Variants in STEAP4 observed in about 807,000 individuals in gnomAD.
STEAP4 encodes STEAP4 metalloreductase, also known as metalloreductase STEAP4.
Under a neutral mutation model 43.6 loss-of-function variants are expected in STEAP4, and 36 were observed. The ratio of observed to expected loss-of-function variants is 0.83; its 90% CI spans 0.63 to 1.09. The LOEUF (loss-of-function observed/expected upper bound fraction) is 1.09, where lower values mean the gene tolerates loss of function less well. Among genes scored for constraint, STEAP4 ranks in the 50% least tolerant of loss-of-function variants. The pLI is 0.00. For synonymous variants in STEAP4, 191 were observed against 196.7 expected (o/e 0.97, Z 0.24); for missense variants, 495 against 546.5 (o/e 0.91, Z 0.94).
In STEAP4 at chr7:88,282,951, TA is replaced by T; in HGVS notation, c.673del (p.Tyr225ThrfsTer25). On this transcript the variant is annotated frameshift_variant, in exon 3 of 5. Transcript: ENST00000380079. LOFTEE classifies it high-confidence loss of function. ...FFYCVIRDVI[Y>X]PYVYEKKDNT... ...ATCTTTCTTTTCATAAACATAAGGG[TA>T]GATTACGTCTCTTATAACACAATAG... The T allele has an allele frequency of 1.2e-6, 2 of 1,613,924 alleles. No individual in the cohort carries two copies.
chr7:88,278,635 C>T lies in STEAP4; in HGVS notation c.*763G>A, dbSNP rs967292388. On this transcript the variant is annotated 3_prime_UTR_variant, in exon 5 of 5. Coordinates refer to ENST00000380079, the MANE Select transcript of STEAP4 (RefSeq NM_024636.4). ...AAGAACTTTTATCAACCCTTCTTTGCTTATTGCACAATGCAAGTGAAATCC... is the reference window on the plus strand; with the variant it reads ...AAGAACTTTTATCAACCCTTCTTTGTTTATTGCACAATGCAAGTGAAATCC... 3 of 152,146 alleles carry T rather than the reference C, an allele frequency of 2.0e-5. No homozygotes were observed. The highest frequency in any genetic ancestry group is 7.2e-5 in the African/African-American group (3 of 41,442). The allele number at this position is 152,146 out of a possible 1,614,324, so 9.4% of individuals were successfully genotyped here. A position where few individuals can be genotyped will look rare whatever the true frequency, so the allele number is the denominator to read the frequency against.
At position 88,278,416 on chromosome 7, in the gene STEAP4, T is replaced by C. The variant is rs1437889854; in HGVS notation, c.*982A>G. 6.6e-6 allele frequency: 1 copy of C among 152,198 alleles called. No individual in the cohort carries two copies. The highest frequency in any genetic ancestry group is 1.5e-5 in the Non-Finnish European group (1 of 68,028). 9.4% of individuals were successfully genotyped at this position (152,198 alleles called of 1,614,324 possible). On this transcript the variant is annotated 3_prime_UTR_variant, in exon 5 of 5. Coordinates refer to ENST00000380079, the MANE Select transcript of STEAP4 (RefSeq NM_024636.4). ...TTTACTCCTTACAATTATAATAGAC[T>C]AAGACAGATATAGAAGCTACTTATT...
intron 1 of STEAP4, among the ~76,000 whole-genome samples, chr7:88,298,899 A>T (rs1386758627): frequency 2.0e-5 from 3 of 152,224 alleles, no homozygotes; most frequent in Non-Finnish European, 4.4e-5. Context: ...TATGCTAGAC[A>T]ATAGAATGGC....
At chr7:88,293,166 A>C in intron 1 of STEAP4, among the ~76,000 whole-genome samples, 1 of 151,992 alleles carries the variant, frequency 6.6e-6, no homozygotes, top group Admixed American at 6.6e-5. Flanking sequence ...AGCCATTCTG[A>C]TATTTCATTG....
intron 1 of STEAP4, among the ~76,000 whole-genome samples, chr7:88,287,309 C>T (rs1284591661): frequency 6.6e-6 from 1 of 152,164 alleles, no homozygotes; most frequent in African/African-American, 2.4e-5. Context: ...TTGGGTTGGC[C>T]TCCAGATCCA....
Position 88,275,475 on chromosome 7 carries a change from T to C in STEAP4, c.*3923A>G, listed in dbSNP as rs892513155. ...TTCTGATACATTGAAGAGTAACTTA[T>C]ACTCTTTTCCCAAATTCTACTGAAC... is the stretch of plus-strand genomic sequence containing the variant. On this transcript the variant is annotated 3_prime_UTR_variant, in exon 5 of 5. Coordinates refer to ENST00000380079, the MANE Select transcript of STEAP4 (RefSeq NM_024636.4). The C allele has an allele frequency of 6.6e-6, 1 of 152,182 alleles. No individual in the cohort carries two copies. The highest frequency in any genetic ancestry group is 2.4e-5 in the African/African-American group (1 of 41,450). The allele number at this position is 152,182 out of a possible 1,614,324, so 9.4% of individuals were successfully genotyped here. A position where few individuals can be genotyped will look rare whatever the true frequency, so the allele number is the denominator to read the frequency against.
At position 88,282,779 on chromosome 7, in the gene STEAP4, C is replaced by A. The variant is rs1346430865; in HGVS notation, c.846G>T (p.Trp282Cys). Residue 282 changes from tryptophan to cysteine, a missense_variant, in exon 3 of 5, where the codon TGG (tryptophan) becomes TGT (cysteine). By Grantham distance (215) the Trp-to-Cys change is radical. Transcript: ENST00000380079. ...RGTKYRRFPD[W>C]LDHWMLCRKQ... ...TTCGGCAAAGCATCCAGTGGTCAAG[C>A]CAGTCTGGGAATCGACGGTATTTTG... 5 of 1,614,096 alleles carry A rather than the reference C, an allele frequency of 3.1e-6. No homozygotes were observed. Among genetic ancestry groups the A allele is most frequent in the Non-Finnish European group, 4.2e-6 (5 of 1,180,008 alleles).
rs1852468313 is a variant in STEAP4, at chr7:88,273,393, A to C, written c.*6005T>G. 1 of 152,150 alleles carries C rather than the reference A, an allele frequency of 6.6e-6. No individual in the cohort carries two copies. Among genetic ancestry groups the C allele is most frequent in the South Asian group, 2.1e-4 (1 of 4,830 alleles). 9.4% of individuals were successfully genotyped at this position (152,150 alleles called of 1,614,324 possible). A position where few individuals can be genotyped will look rare whatever the true frequency, so the allele number is the denominator to read the frequency against. Reference sequence around the variant, plus strand: ...TGGGTTTCTATTTTATCACAATCTGATACTTTTTGATATACAATACTGTGA... The same window carrying C: ...TGGGTTTCTATTTTATCACAATCTGCTACTTTTTGATATACAATACTGTGA... On this transcript the variant is annotated 3_prime_UTR_variant, in exon 5 of 5. Coordinates refer to ENST00000380079, the MANE Select transcript of STEAP4 (RefSeq NM_024636.4).
Position 88,301,712 on chromosome 7 carries a change from A to G in STEAP4, c.-3+5080T>C, listed in dbSNP as rs533101292. On this transcript the variant is annotated intron_variant, in intron 1 of 4. Coordinates refer to ENST00000380079, the MANE Select transcript of STEAP4 (RefSeq NM_024636.4). ...CACCTCAGCCTCCCAGGTAGCAGGG[A>G]CTACAGGTGTGCACCACCACGCCCA... Among the ~76,000 whole-genome samples, 3 of 152,162 alleles carry G rather than the reference A, an allele frequency of 2.0e-5. No individual in the cohort carries two copies. The South Asian group carries it at 6.2e-4, about 32-fold the overall frequency.
At chr7:88,305,968 A>C (rs1339383601) in intron 1 of STEAP4, among the ~76,000 whole-genome samples, 2 of 152,218 alleles carry the variant, frequency 1.3e-5, no homozygotes, top group East Asian at 3.9e-4. Context: ...TCCCAGGTTC[A>C]AGTGATTTTC....
chr7:88,298,510 C>CACACACACACACACA (rs1481391461), intron 1 of STEAP4, among the ~76,000 whole-genome samples: 1 of 147,112 alleles, frequency 6.8e-6, no homozygotes, highest in Non-Finnish European at 1.5e-5. Flanking sequence ...CACACACACA[C>CACACACACACACACA]CTTTTACTCC....
At position 88,282,642 on chromosome 7, in the gene STEAP4, TG is replaced by T. The variant is rs771038061; in HGVS notation, c.982del (p.Gln328ArgfsTer62). The T allele has an allele frequency of 1.2e-6, 2 of 1,610,780 alleles. No individual in the cohort carries two copies. Among genetic ancestry groups the T allele is most frequent in the Non-Finnish European group, 1.7e-6 (2 of 1,177,764 alleles). On this transcript the variant is annotated frameshift_variant and splice_region_variant, in exon 3 of 5. Coordinates refer to ENST00000380079, the MANE Select transcript of STEAP4 (RefSeq NM_024636.4). LOFTEE classifies it high-confidence loss of function. ...GAAAATATATAAGAAGAGATTTACC[TG>T]GGTAACGGTTAAGTTTCCCAATCTC... is the stretch of plus-strand genomic sequence containing the variant. ...RWRLGNLTVTQAILKKENPFS... is the reference protein window; with the variant it reads ...RWRLGNLTVTXAILKKENPFS...
In STEAP4 at chr7:88,272,358, C is replaced by G. The variant is rs1852448172; in HGVS notation, c.*7040G>C. The G allele has an allele frequency of 6.6e-6, 1 of 152,200 alleles. No individual in the cohort carries two copies. The highest frequency in any genetic ancestry group is 1.5e-5 in the Non-Finnish European group (1 of 68,054). 9.4% of individuals were successfully genotyped at this position (152,200 alleles called of 1,614,324 possible). The stretch of plus-strand genomic sequence containing the variant: ...TGGGTAACCAGCTTGAAAATTCATA[C>G]TTTATTCCTTCCCTGCTCTGTCTAC... On this transcript the variant is annotated 3_prime_UTR_variant, in exon 5 of 5. Transcript: ENST00000380079.
Position 88,295,482 on chromosome 7 carries a change from C to A in STEAP4, c.-2-11211G>T, listed in dbSNP as rs186326649. 1.2e-4 allele frequency among the ~76,000 whole-genome samples: 18 copies of A among 152,234 alleles called. No individual in the cohort carries two copies. In the East Asian group the frequency reaches 3.5e-3, roughly 29 times the overall value. On this transcript the variant is annotated intron_variant, in intron 1 of 4. Transcript: ENST00000380079. Reference sequence around the variant, plus strand: ...CTGAATCAACTGGTCTAGGGTAGAGCCTGGGCACTTTTTTAAGCTCCCCCA... The same window carrying A: ...CTGAATCAACTGGTCTAGGGTAGAGACTGGGCACTTTTTTAAGCTCCCCCA...
intron 1 of STEAP4, among the ~76,000 whole-genome samples, chr7:88,303,495 CA>C (rs5885618): frequency 0.22 from 24,738 of 114,198 alleles, 1,955 homozygotes; most frequent in Middle Eastern, 0.31. Flanking sequence ...GACTCAGTCT[CA>C]AAAAAAAAAA....
At position 88,297,937 on chromosome 7, in the gene STEAP4, G is replaced by A. The variant is rs987546952; in HGVS notation, c.-3+8855C>T. 1.4e-4 allele frequency among the ~76,000 whole-genome samples: 22 copies of A among 152,240 alleles called. No individual in the cohort carries two copies. The Middle Eastern group carries it at 0.01, about 71-fold the overall frequency. On this transcript the variant is annotated intron_variant, in intron 1 of 4. Transcript: ENST00000380079. ...GTTCAGAATACTTAATTAGCTTACAGTTGGGCAAAATCATCTAACATGAAG... is the reference window on the plus strand; with the variant it reads ...GTTCAGAATACTTAATTAGCTTACAATTGGGCAAAATCATCTAACATGAAG...
rs767736711 is a variant in STEAP4 at position 88,272,274 on chromosome 7, G to A, written c.*7124C>T. On this transcript the variant is annotated 3_prime_UTR_variant, in exon 5 of 5. Coordinates refer to ENST00000380079, the MANE Select transcript of STEAP4 (RefSeq NM_024636.4). ...TTCCCCTTGATGGGAATAACTCTTA[G>A]TTATATCTGACACTGTCTTCCAGAC... The A allele has an allele frequency of 1.3e-5, 2 of 152,188 alleles. No individual in the cohort carries two copies. Among genetic ancestry groups the A allele is most frequent in the East Asian group, 1.9e-4 (1 of 5,202 alleles). The allele number at this position is 152,188 out of a possible 1,614,324, so 9.4% of individuals were successfully genotyped here.
intron 1 of STEAP4, chr7:88,292,493 G>A (rs1238295998): frequency 6.6e-6 from 1 of 152,008 alleles, no homozygotes; most frequent in East Asian, 1.9e-4. Context: ...AGATTCCAAG[G>A]AAGTTGTAAA....
Position 88,278,368 on chromosome 7 carries a change from T to C in STEAP4, c.*1030A>G, listed in dbSNP as rs1419476699. 1 of 152,228 alleles carries C rather than the reference T, an allele frequency of 6.6e-6. No homozygotes were observed. Among genetic ancestry groups the C allele is most frequent in the Non-Finnish European group, 1.5e-5 (1 of 68,034 alleles). 9.4% of individuals were successfully genotyped at this position (152,228 alleles called of 1,614,324 possible). On this transcript the variant is annotated 3_prime_UTR_variant, in exon 5 of 5. Transcript: ENST00000380079. ...ATCATCTATGCATTGTTCAAATTTA[T>C]ACCTGCAGACTATTCATTTAATTTT...
Sources: gnomAD v4.1 joint callset for allele counts (sites outside exome capture counted in the v4.1 genomes callset) on GRCh38, gnomAD v4.1.1 for gene constraint, MANE v1.5 for transcripts, NCBI Gene and HGNC (gene_info 2026-07-23, HGNC 2026-07-21) for gene names.